Variants in FAT3 observed in about 807,000 individuals in gnomAD.
FAT3 encodes protocadherin Fat 3.
A neutral mutation model predicts 310.2 loss-of-function variants in FAT3; 95 were observed. The observed-to-expected ratio is 0.31, with a 90% CI of 0.26 to 0.36. FAT3 has a LOEUF of 0.36. FAT3 is among the 10% of genes least tolerant of loss of function. The probability of loss-of-function intolerance (pLI) is 1.00; values close to 1 mark genes in which losing one functional copy is unlikely to be tolerated. For missense variants in FAT3, 5,408 were observed against 5,715.6 expected (o/e 0.95, Z 1.74); for synonymous variants, 2,314 against 2,192.9 (o/e 1.06, Z -1.54).
At chr11:92,471,923 A>C (rs981388997) in intron 2 of FAT3, among the ~76,000 whole-genome samples, 2 of 16,998 alleles carry the variant, frequency 1.2e-4, no homozygotes, top group African/African-American at 2.9e-4. Flanking sequence ...TGCTATATAT[A>C]TATATATATA....
chr11:92,620,512 T>C (rs1413633217), intron 3 of FAT3, among the ~76,000 whole-genome samples: 1 of 152,228 alleles, frequency 6.6e-6, no homozygotes, highest in Non-Finnish European at 1.5e-5. Context: ...CATTTTACCT[T>C]TCTCCCCAGT....
chr11:92,836,655 T>G lies in FAT3; in HGVS notation c.10176T>G (p.Asp3392Glu). 1 of 1,613,772 alleles carries G rather than the reference T, an allele frequency of 6.2e-7. No individual in the cohort carries two copies. Among genetic ancestry groups the G allele is most frequent in the Non-Finnish European group, 8.5e-7 (1 of 1,179,776 alleles). The change falls in exon 16 of 28, where the codon GAT (aspartate) becomes GAG (glutamate). Residue 3392 changes from aspartate (D) to glutamate (E), a missense_variant. Asp to Glu is a conservative substitution (Grantham distance 45, BLOSUM62 2). Coordinates refer to ENST00000525166, the MANE Select transcript of FAT3 (RefSeq NM_001367949.2). ...NGDRDNEFTVDPVLGLVKVKK... is the reference protein window; with the variant it reads ...NGDRDNEFTVEPVLGLVKVKK... ...ATCGGGACAATGAATTTACTGTAGATCCTGTCTTGGGACTTGTGAAAGTTA... is the reference window on the plus strand; with the variant it reads ...ATCGGGACAATGAATTTACTGTAGAGCCTGTCTTGGGACTTGTGAAAGTTA...
chr11:92,599,301 G>A (rs1316165178), intron 3 of FAT3, among the ~76,000 whole-genome samples: 1 of 152,114 alleles, frequency 6.6e-6, no homozygotes, highest in Non-Finnish European at 1.5e-5. Flanking sequence ...TCACATGGTG[G>A]CAGCAAGGAG....
intron 3 of FAT3, among the ~76,000 whole-genome samples, chr11:92,548,187 C>A (rs1362141754): frequency 6.6e-6 from 1 of 152,128 alleles, no homozygotes; most frequent in African/African-American, 2.4e-5. Context: ...CAGTCATTTA[C>A]CATGTTGGTG....
intron 4 of FAT3, among the ~76,000 whole-genome samples, chr11:92,742,631 G>C (rs1270224741): frequency 1.3e-5 from 2 of 152,190 alleles, no homozygotes; most frequent in Non-Finnish European, 2.9e-5. Context: ...GGATAAAAAG[G>C]ATAAGCTATG....
chr11:92,811,717 T>A (rs147463076), intron 13 of FAT3, among the ~76,000 whole-genome samples: 213 of 152,248 alleles, frequency 1.4e-3, no homozygotes, highest in Non-Finnish European at 9.4e-4. Flanking sequence ...TTTTTGCTAA[T>A]GAGTAAGAGC....
intron 19 of FAT3, among the ~76,000 whole-genome samples, chr11:92,847,262 T>C (rs562141669): frequency 1.3e-5 from 2 of 152,218 alleles, no homozygotes; most frequent in Non-Finnish European, 2.9e-5. Context: ...TTTAGATTTG[T>C]TTAGATATAA....
chr11:92,741,444 G>A (rs1386469609), intron 4 of FAT3, among the ~76,000 whole-genome samples: 1 of 152,208 alleles, frequency 6.6e-6, no homozygotes, highest in African/African-American at 2.4e-5. Flanking sequence ...AAGGAACACA[G>A]AAGAGGAACT....
rs1313086952 is a variant in FAT3 at position 92,412,727 on chromosome 11, AT to A, written c.3292+57324del. 3.2e-4 allele frequency among the ~76,000 whole-genome samples: 14 copies of A among 43,626 alleles called. 1 individual carries two copies. Among genetic ancestry groups the A allele is most frequent in the East Asian group, 1.7e-3 (3 of 1,748 alleles). 28.6% of individuals were successfully genotyped at this position (43,626 alleles called of 152,430 possible). ...GATATATATATATATATATATATAT[AT>A]ATATATATATATATATAAATATACA... On this transcript the variant is annotated intron_variant, in intron 2 of 27. Transcript: ENST00000525166.
chr11:92,867,146 C>A lies in FAT3; in HGVS notation c.12064C>A (p.Pro4022Thr), dbSNP rs2136352461. The A allele has an allele frequency of 6.2e-7, 1 of 1,600,916 alleles. No homozygotes were observed. The highest frequency in any genetic ancestry group is 2.3e-5 in the East Asian group (1 of 44,358). The change falls in exon 22 of 28, where the codon CCC (proline) becomes ACC (threonine). Residue 4022 changes from proline (P) to threonine (T), a missense_variant. Pro to Thr is a conservative substitution (Grantham distance 38, BLOSUM62 -1). This residue lies in a region of FAT3 where 4,588 missense variants were observed against 4,809.8 expected (regional missense o/e 0.95). Transcript: ENST00000525166. ...GCTGAAGCTGGGCTGCGTGCTCTATCCCGACGCCTGCAAGCGCAGCCCGTG... is the reference window on the plus strand; with the variant it reads ...GCTGAAGCTGGGCTGCGTGCTCTATACCGACGCCTGCAAGCGCAGCCCGTG... ...TELKLGCVLY[P>T]DACKRSPCQH... is the part of the protein sequence containing the mutation.
chr11:92,350,637 G>T (rs1357182896), intron 1 of FAT3, among the ~76,000 whole-genome samples: 2 of 152,038 alleles, frequency 1.3e-5, no homozygotes, highest in African/African-American at 2.4e-5. Context: ...CTACTTGCCG[G>T]CTGGGGAACA....
At chr11:92,434,281 A>G (rs951964184) in intron 2 of FAT3, among the ~76,000 whole-genome samples, 1 of 152,168 alleles carries the variant, frequency 6.6e-6, no homozygotes, top group Non-Finnish European at 1.5e-5. Context: ...GACTGTTGCT[A>G]TCTTAGAATC....
chr11:92,727,796 T>C (rs1300652324), intron 4 of FAT3, among the ~76,000 whole-genome samples: 1 of 152,210 alleles, frequency 6.6e-6, no homozygotes, highest in Non-Finnish European at 1.5e-5. Context: ...TGTGCTTCTC[T>C]CTCACGGCTT....
intron 1 of FAT3, among the ~76,000 whole-genome samples, chr11:92,345,775 A>C (rs948188865): frequency 2.0e-5 from 3 of 152,118 alleles, no homozygotes; most frequent in African/African-American, 7.2e-5. Context: ...CACAGTGGAG[A>C]TCTCAGGTCT....
chr11:92,647,603 T>A (rs1023172437), intron 3 of FAT3, among the ~76,000 whole-genome samples: 1 of 152,166 alleles, frequency 6.6e-6, no homozygotes, highest in Non-Finnish European at 1.5e-5. Flanking sequence ...TTCAGCCCAA[T>A]AGCATTGAGG....
chr11:92,471,445 A>C (rs769097607), intron 2 of FAT3, among the ~76,000 whole-genome samples: 1 of 152,212 alleles, frequency 6.6e-6, no homozygotes, highest in Non-Finnish European at 1.5e-5. Context: ...ATCAGTAAAC[A>C]TGAAAAGATG....
At chr11:92,694,443 G>GTC (rs900353821) in intron 3 of FAT3, among the ~76,000 whole-genome samples, 2 of 152,214 alleles carry the variant, frequency 1.3e-5, no homozygotes, top group African/African-American at 4.8e-5. Flanking sequence ...CAGGAAGCCT[G>GTC]TCTCTCTCTG....
At chr11:92,612,245 A>T (rs1275207859) in intron 3 of FAT3, among the ~76,000 whole-genome samples, 3 of 152,220 alleles carry the variant, frequency 2.0e-5, no homozygotes, top group Admixed American at 1.3e-4. Context: ...AGAAATGACA[A>T]TTGGTCACTT....
intron 2 of FAT3, among the ~76,000 whole-genome samples, chr11:92,448,042 G>A (rs1431220564): frequency 6.6e-6 from 1 of 152,118 alleles, no homozygotes; most frequent in African/African-American, 2.4e-5. Context: ...CCGGGACACT[G>A]ATGGCTCAGC....
Sources: allele counts gnomAD v4.1 joint callset (sites outside exome capture counted in the v4.1 genomes callset), GRCh38; gene constraint gnomAD v4.1.1; regional missense constraint gnomAD v4.1.1; transcripts MANE v1.5; gene names NCBI Gene and HGNC (gene_info 2026-07-23, HGNC 2026-07-21).